ROBO2: variants seen among roughly 807,000 people sequenced by gnomAD.
ROBO2 encodes roundabout homolog 2.
In ROBO2, 53 loss-of-function variants were observed where a neutral mutation model predicts 160.8. The ratio of observed to expected loss-of-function variants is 0.33; its 90% CI spans 0.26 to 0.41. The LOEUF (loss-of-function observed/expected upper bound fraction) is 0.41. ROBO2 is among the 10% of genes least tolerant of loss of function. ROBO2 has a pLI of 1.00. For synonymous variants in ROBO2, 664 were observed against 611.7 expected (o/e 1.09, Z -1.26); for missense variants, 1,577 against 1,722.4 (o/e 0.92, Z 1.49).
chr3:76,675,961 T>C (rs914401056), intron 2 of ROBO2, among the ~76,000 whole-genome samples: 6 of 152,164 alleles, frequency 3.9e-5, no homozygotes, highest in Non-Finnish European at 8.8e-5. Context: ...AAATTAATTA[T>C]TTAAAATGTG....
chr3:77,457,738 T>G (rs950706829), intron 2 of ROBO2, among the ~76,000 whole-genome samples: 3 of 152,234 alleles, frequency 2.0e-5, no homozygotes, highest in African/African-American at 7.2e-5. Flanking sequence ...TTATCTAAGC[T>G]AATGAATTTA....
At chr3:76,714,503 T>C (rs114129580) in intron 2 of ROBO2, among the ~76,000 whole-genome samples, 157 of 152,316 alleles carry the variant, frequency 1.0e-3, no homozygotes, top group Middle Eastern at 3.4e-3. Context: ...GATTGACACA[T>C]AGCAAAAGGC....
At chr3:76,142,044 A>T (rs1200673753) in intron 2 of ROBO2, among the ~76,000 whole-genome samples, 1 of 152,056 alleles carries the variant, frequency 6.6e-6, no homozygotes, top group Non-Finnish European at 1.5e-5. Flanking sequence ...GGGGTCAGAC[A>T]TATAAGACAC....
intron 2 of ROBO2, among the ~76,000 whole-genome samples, chr3:77,325,761 A>G (rs2065313803): frequency 6.6e-6 from 1 of 151,900 alleles, no homozygotes; most frequent in South Asian, 2.1e-4. Flanking sequence ...TATTAGGCAC[A>G]TACTGGTTGT....
rs534645242 is a variant in ROBO2 at position 77,633,356 on chromosome 3, C to T, written c.3761-1514C>T. On this transcript the variant is annotated intron_variant, in intron 23 of 25. Transcript: ENST00000461745. ...CAATTATATAATTTTTCAAGTGCTG[C>T]TCATTCCACAAAAAAGAATGTGGGA... The T allele has an allele frequency of 3.3e-5, 5 of 152,146 alleles. No homozygotes were observed. The South Asian group carries it at 1.0e-3, about 32-fold the overall frequency. 9.4% of individuals were successfully genotyped at this position (152,146 alleles called of 1,614,324 possible). A position where few individuals can be genotyped will look rare whatever the true frequency, so the allele number is the denominator to read the frequency against.
intron 2 of ROBO2, among the ~76,000 whole-genome samples, chr3:76,750,719 C>T (rs2093970550): frequency 6.6e-6 from 1 of 151,982 alleles, no homozygotes; most frequent in Admixed American, 6.6e-5. Context: ...AATAAAATAC[C>T]TAGGAATCCA....
chr3:76,787,551 A>T (rs2063072021), intron 2 of ROBO2, among the ~76,000 whole-genome samples: 1 of 151,388 alleles, frequency 6.6e-6, no homozygotes. Context: ...AGGGAATGTG[A>T]CTTTCTGCAA....
At chr3:76,109,907 G>A (rs1167345381) in intron 2 of ROBO2, among the ~76,000 whole-genome samples, 2 of 151,806 alleles carry the variant, frequency 1.3e-5, no homozygotes, top group Admixed American at 1.3e-4. Flanking sequence ...ACTTATACAT[G>A]GGAATACGTG....
intron 2 of ROBO2, among the ~76,000 whole-genome samples, chr3:77,455,382 G>A (rs1473389421): frequency 6.6e-6 from 1 of 152,184 alleles, no homozygotes; most frequent in African/African-American, 2.4e-5. Context: ...GCTGACATGT[G>A]AATATACTTA....
chr3:75,965,224 A>G (rs867576028), intron 2 of ROBO2, among the ~76,000 whole-genome samples: 1 of 151,902 alleles, frequency 6.6e-6, no homozygotes, highest in Middle Eastern at 3.4e-3. Flanking sequence ...CCTTTCTGAA[A>G]TGTAGTCATA....
chr3:76,432,520 G>A (rs1257047668), intron 2 of ROBO2, among the ~76,000 whole-genome samples: 4 of 152,050 alleles, frequency 2.6e-5, no homozygotes, highest in Non-Finnish European at 5.9e-5. Context: ...TCACTGTTTC[G>A]ATGATAGCTT....
chr3:76,694,065 A>C (rs1258077580), intron 2 of ROBO2, among the ~76,000 whole-genome samples: 1 of 152,196 alleles, frequency 6.6e-6, no homozygotes, highest in Non-Finnish European at 1.5e-5. Context: ...ATTTGTCTGG[A>C]TATAAAACTT....
intron 2 of ROBO2, among the ~76,000 whole-genome samples, chr3:76,219,383 C>A (rs1703797480): frequency 6.6e-6 from 1 of 152,200 alleles, no homozygotes; most frequent in South Asian, 2.1e-4. Context: ...TCAGAGTGAA[C>A]AGGCAACCTA....
At chr3:76,278,536 G>A (rs1223154336) in intron 2 of ROBO2, among the ~76,000 whole-genome samples, 1 of 151,886 alleles carries the variant, frequency 6.6e-6, no homozygotes, top group Non-Finnish European at 1.5e-5. Context: ...GTTGACAAAG[G>A]AACGGAAGCT....
At chr3:76,099,437 A>T (rs2069590445) in intron 2 of ROBO2, among the ~76,000 whole-genome samples, 1 of 152,094 alleles carries the variant, frequency 6.6e-6, no homozygotes, top group Admixed American at 6.6e-5. Context: ...CTGTAGGTTC[A>T]TTTTTTCTAA....
intron 2 of ROBO2, among the ~76,000 whole-genome samples, chr3:76,248,561 C>T (rs1705776164): frequency 6.6e-6 from 1 of 151,048 alleles, no homozygotes; most frequent in Non-Finnish European, 1.5e-5. Context: ...TTAGTGGGTG[C>T]AGCACACCAG....
Position 76,894,323 on chromosome 3 carries a change from G to A in ROBO2, c.110-203691G>A, listed in dbSNP as rs559763989. ...AATTATCAATCATGTTGGTATTGCT[G>A]TAGATCAGATTATTGTTGTCTTATA... On this transcript the variant is annotated intron_variant, in intron 2 of 26. Coordinates refer to the ROBO2 transcript ENST00000487694. Among the ~76,000 whole-genome samples the A allele has an allele frequency of 6.9e-4, 105 of 152,186 alleles. 1 individual carries two copies. The highest frequency in any genetic ancestry group is 1.3e-3 in the Non-Finnish European group (88 of 67,958).
chr3:76,834,027 C>CTTTCTTTCTTT (rs1553651146), intron 2 of ROBO2, among the ~76,000 whole-genome samples: 1 of 54,804 alleles, frequency 1.8e-5, no homozygotes, highest in East Asian at 4.6e-4. Flanking sequence ...TCTTTCTTTT[C>CTTTCTTTCTTT]TTTCTTTCTT....
intron 2 of ROBO2, among the ~76,000 whole-genome samples, chr3:76,952,939 C>T (rs993400978): frequency 2.0e-5 from 3 of 152,116 alleles, no homozygotes; most frequent in African/African-American, 2.4e-5. Context: ...TTTATGTAAT[C>T]AAACATCAGA....
Sources: gnomAD v4.1 joint callset for allele counts (sites outside exome capture counted in the v4.1 genomes callset) on GRCh38, gnomAD v4.1.1 for gene constraint, MANE v1.5 for transcripts, NCBI Gene and HGNC (gene_info 2026-07-23, HGNC 2026-07-21) for gene names.